Variants in TOGARAM2 observed in about 807,000 individuals in gnomAD.
The protein encoded by TOGARAM2 is TOG array regulator of axonemal microtubules 2.
In TOGARAM2, 85 loss-of-function variants were observed where a neutral mutation model predicts 93.3. The observed-to-expected ratio is 0.91, with a 90% CI of 0.76 to 1.09. The LOEUF (loss-of-function observed/expected upper bound fraction) is 1.09. Among genes scored for constraint, TOGARAM2 ranks in the 50% least tolerant of loss-of-function variants. The pLI is 0.00. For missense variants in TOGARAM2, 1,277 were observed against 1,334.5 expected (o/e 0.96, Z 0.67); for synonymous variants, 593 against 552.8 (o/e 1.07, Z -1.02).
At chr2:29,023,818 A>G (rs1665136954) in intron 12 of TOGARAM2, among the ~76,000 whole-genome samples, 1 of 152,234 alleles carries the variant, frequency 6.6e-6, no homozygotes, top group Admixed American at 6.5e-5. Flanking sequence ...CTCAGTCAGC[A>G]CTACTGTGCT....
intron 12 of TOGARAM2, 109 bp downstream of exon 12, chr2:29,023,300 G>A: frequency 1.1e-6 from 1 of 900,454 alleles, no homozygotes; most frequent in Non-Finnish European, 1.7e-6. Flanking sequence ...GGGGATCCCT[G>A]CTTATTTCTC....
At chr2:29,016,498 C>T (rs140290207) in intron 8 of TOGARAM2, among the ~76,000 whole-genome samples, 1 of 152,328 alleles carries the variant, frequency 6.6e-6, no homozygotes, top group East Asian at 1.9e-4. Context: ...ATTTTGACAA[C>T]TTACGAGTTG....
At chr2:29,007,338 C>T (rs1663945925) in intron 6 of TOGARAM2, among the ~76,000 whole-genome samples, 1 of 152,134 alleles carries the variant, frequency 6.6e-6, no homozygotes, top group African/African-American at 2.4e-5. Context: ...TTTCCCCAAA[C>T]CACCCCCTCC....
chr2:28,979,213 A>T (rs1672078155), upstream of TOGARAM2, among the ~76,000 whole-genome samples: 1 of 151,976 alleles, frequency 6.6e-6, no homozygotes, highest in Non-Finnish European at 1.5e-5. Flanking sequence ...ATGCTCCTCG[A>T]CTGGCCTGCT....
At chr2:29,036,879 T>G (rs1171791193) in intron 18 of TOGARAM2, 122 bp downstream of exon 18, 31 of 999,238 alleles carry the variant, frequency 3.1e-5, no homozygotes, top group Non-Finnish European at 4.5e-5. Flanking sequence ...AGAGGCTGTG[T>G]AGGGCAGAGG....
At chr2:28,963,881 G>A (rs189365873) in intron 1 of TOGARAM2, among the ~76,000 whole-genome samples, 25 of 152,258 alleles carry the variant, frequency 1.6e-4, no homozygotes, top group Admixed American at 1.4e-3. Flanking sequence ...GGTAGTGTGC[G>A]CCTGTAGTCC....
At chr2:29,043,293 C>A (rs1038026257) in intron 18 of TOGARAM2, among the ~76,000 whole-genome samples, 1 of 152,112 alleles carries the variant, frequency 6.6e-6, no homozygotes, top group African/African-American at 2.4e-5. Flanking sequence ...CAGAGATGTA[C>A]CTGGGTACAT....
rs5830098 is a variant in TOGARAM2, at chr2:29,035,150, CAA to C, written c.2226-294_2226-293del. 9.6e-3 allele frequency among the ~76,000 whole-genome samples: 982 copies of C among 102,516 alleles called. 9 individuals carry two copies. Among genetic ancestry groups the C allele is most frequent in the African/African-American group, 0.026 (740 of 28,076 alleles). The allele number at this position is 102,516 out of a possible 152,430, so 67.3% of individuals were successfully genotyped here. ...GGGCAGCAAGAGCGAGACTCTGCCT[CAA>C]AAAAAAAAAAAAAAAAAAATGTGTA... On this transcript the variant is annotated intron_variant, in intron 16 of 19. Transcript: ENST00000379558.
chr2:29,051,831 T>C lies in TOGARAM2; in HGVS notation c.2798T>C (p.Leu933Pro). 1 of 1,565,954 alleles carries C rather than the reference T, an allele frequency of 6.4e-7. No individual in the cohort carries two copies. The highest frequency in any genetic ancestry group is 8.7e-7 in the Non-Finnish European group (1 of 1,155,234). ...GTCCTTCCCATCCTCTGGCACTTCCTGAACACCGCCACCAGGAATGGCACC... is the reference window on the plus strand; with the variant it reads ...GTCCTTCCCATCCTCTGGCACTTCCCGAACACCGCCACCAGGAATGGCACC... Reference protein sequence around the residue: ...RHVLPILWHFLNTATRNGTLP... With the variant: ...RHVLPILWHFPNTATRNGTLP... The change falls in exon 20 of 20, where the codon CTG becomes CCG. Residue 933 changes from leucine to proline, a missense_variant. Leu to Pro is a moderately conservative substitution (Grantham distance 98). Coordinates refer to ENST00000379558, the MANE Select transcript of TOGARAM2 (RefSeq NM_199280.4).
chr2:28,973,313 T>C (rs56274342), intron 1 of TOGARAM2, among the ~76,000 whole-genome samples: 26,423 of 151,656 alleles, frequency 0.17, 3,392 homozygotes, highest in East Asian at 0.61. Context: ...TGATTGCCTT[T>C]CTGTTTGAAG....
chr2:28,990,398 T>C (rs965154574), intron 1 of TOGARAM2, among the ~76,000 whole-genome samples: 1 of 152,028 alleles, frequency 6.6e-6, no homozygotes, highest in African/African-American at 2.4e-5. Context: ...GTCTTCAGAG[T>C]TTCCCGGGGC....
intron 14 of TOGARAM2, among the ~76,000 whole-genome samples, chr2:29,029,092 C>G (rs1317829161): frequency 6.6e-6 from 1 of 152,204 alleles, no homozygotes; most frequent in Non-Finnish European, 1.5e-5. Flanking sequence ...TTCGATCCTG[C>G]AATCCCACTA....
intron 14 of TOGARAM2, among the ~76,000 whole-genome samples, chr2:29,028,564 C>G (rs1665551426): frequency 6.6e-6 from 1 of 152,070 alleles, no homozygotes; most frequent in Non-Finnish European, 1.5e-5. Context: ...GTGCTTTGAC[C>G]CCCTGCTTAT....
chr2:28,969,139 G>A (rs1293739650), intron 1 of TOGARAM2, among the ~76,000 whole-genome samples: 2 of 152,236 alleles, frequency 1.3e-5, no homozygotes, highest in Admixed American at 6.5e-5. Flanking sequence ...ATGGAGCACC[G>A]TGATAGGCCG....
intron 16 of TOGARAM2, among the ~76,000 whole-genome samples, chr2:29,034,153 C>T (rs1272706510): frequency 6.6e-6 from 1 of 152,176 alleles, no homozygotes; most frequent in Non-Finnish European, 1.5e-5. Flanking sequence ...TAACTTCCTG[C>T]CTACTCTCCC....
rs1004615269 is a variant in TOGARAM2 at position 29,051,812 on chromosome 2, C to G, written c.2779C>G (p.Pro927Ala). ...KPQAVERHVL[P>A]ILWHFLNTAT... Reference sequence around the variant, plus strand: ...TCAAGCTGTAGAGCGGCATGTCCTTCCCATCCTCTGGCACTTCCTGAACAC... The same window carrying G: ...TCAAGCTGTAGAGCGGCATGTCCTTGCCATCCTCTGGCACTTCCTGAACAC... The change falls in exon 20 of 20, where the codon CCC (proline) becomes GCC (alanine). Residue 927 changes from proline to alanine, a missense_variant. Transcript: ENST00000379558. The G allele has an allele frequency of 3.8e-6, 6 of 1,560,872 alleles. No individual in the cohort carries two copies. Among genetic ancestry groups the G allele is most frequent in the Non-Finnish European group, 5.2e-6 (6 of 1,151,764 alleles).
rs200094591 is a variant in TOGARAM2 at position 29,011,465 on chromosome 2, G to A, written c.841G>A (p.Gly281Arg). Residue 281 changes from glycine to arginine, a missense_variant, in exon 7 of 20, where the codon GGG (glycine) becomes AGG (arginine). By Grantham distance (125) the Gly-to-Arg change is moderately radical. Coordinates refer to ENST00000379558, the MANE Select transcript of TOGARAM2 (RefSeq NM_199280.4). Reference sequence around the variant, plus strand: ...CCCCGTTCTTTTAAGATTGGCTCGGGGGAGTGGGCCTCGGGAGAAGACCCC... The same window carrying A: ...CCCCGTTCTTTTAAGATTGGCTCGGAGGAGTGGGCCTCGGGAGAAGACCCC... ...LRAPRTRLAR[G>R]SGPREKTPAS... 2.4e-4 allele frequency: 379 copies of A among 1,609,328 alleles called. No individual in the cohort carries two copies. The highest frequency in any genetic ancestry group is 2.9e-4 in the Non-Finnish European group (339 of 1,178,272).
At chr2:29,040,155 C>T (rs970970640) in intron 18 of TOGARAM2, among the ~76,000 whole-genome samples, 12 of 152,222 alleles carry the variant, frequency 7.9e-5, no homozygotes, top group Non-Finnish European at 1.3e-4. Context: ...AATATCTCTT[C>T]TATTTTTGTC....
intron 8 of TOGARAM2, among the ~76,000 whole-genome samples, chr2:29,015,204 A>G (rs1161721740): frequency 5.3e-5 from 8 of 152,100 alleles, no homozygotes; most frequent in Non-Finnish European, 1.2e-4. Context: ...CTGTTAAATC[A>G]GCACCACAAC....
Sources: allele counts gnomAD v4.1 joint callset (sites outside exome capture counted in the v4.1 genomes callset), GRCh38; gene constraint gnomAD v4.1.1; transcripts MANE v1.5; gene names NCBI Gene and HGNC (gene_info 2026-07-23, HGNC 2026-07-21).